Variants in YIPF3 observed in about 807,000 individuals in gnomAD.
YIPF3 encodes protein YIPF3.
In YIPF3, 18 loss-of-function variants were observed where a neutral mutation model predicts 40.3. The observed-to-expected ratio is 0.45, with a 90% CI of 0.31 to 0.66. The LOEUF is 0.66. YIPF3 is among the 30% of genes least tolerant of loss of function. The pLI is 0.07. For missense variants in YIPF3, 406 were observed against 452.2 expected, an observed-to-expected ratio of 0.90 and a Z score of 0.93; for synonymous variants, 190 against 179.6, an observed-to-expected ratio of 1.06 and a Z score of -0.46.
Position 43,512,767 on chromosome 6 carries a change from C to T in YIPF3, c.774G>A (p.Leu258=), listed in dbSNP as rs918154209. Residue 258 remains leucine (L), a synonymous_variant, in exon 7 of 9, where the codon CTG becomes CTA. Transcript: ENST00000372422. ...AGCCTCTTGCCCAGCTTACCATGCG[C>T]AGTGTGGACAGTCCACCCACCAACA... ...FWLLVGGLST[L]RMVAVLVSRT... 6.8e-6 allele frequency: 11 copies of T among 1,613,058 alleles called. No homozygotes were observed. The highest frequency in any genetic ancestry group is 8.5e-6 in the Non-Finnish European group (10 of 1,179,734).
At chr6:43,516,662 C>A (rs1792844705) in intron 1 of YIPF3, 65 bp downstream of exon 1, 1 of 1,585,786 alleles carries the variant, frequency 6.3e-7, no homozygotes, top group Non-Finnish European at 8.6e-7. Flanking sequence ...AGGGGGAATC[C>A]CCAAGACACT....
At position 43,515,690 on chromosome 6, in the gene YIPF3, A is replaced by G. The variant is rs746447076; in HGVS notation, c.300T>C (p.Ala100=). The G allele has an allele frequency of 4.3e-6, 7 of 1,614,154 alleles. No homozygotes were observed. Among genetic ancestry groups the G allele is most frequent in the Non-Finnish European group, 5.9e-6 (7 of 1,180,038 alleles). Residue 100 remains alanine (A), a synonymous_variant, in exon 3 of 9, where the codon GCT becomes GCC. Transcript: ENST00000372422. ...AGGCCCTGGAGGCTTGTCTTTTCCC[A>G]GCCTGCCACATCTGAAGTAAGGAAG... ...SRQVADQMWQ[A]GKRQASRAFS...
intron 1 of YIPF3, 109 bp downstream of exon 1, chr6:43,516,618 G>C: frequency 7.6e-7 from 1 of 1,310,356 alleles, no homozygotes; most frequent in Non-Finnish European, 1.1e-6. Flanking sequence ...CCAAAGAAGA[G>C]AGTTTTGTAA....
rs1395577403 is a variant in YIPF3 at position 43,516,722 on chromosome 6, A to G, written c.81+5T>C. The G allele has an allele frequency of 3.1e-6, 5 of 1,612,756 alleles. No individual in the cohort carries two copies. The highest frequency in any genetic ancestry group is 1.1e-5 in the South Asian group (1 of 90,934). On this transcript the variant is annotated splice_donor_5th_base_variant and intron_variant, in intron 1 of 8. Coordinates refer to ENST00000372422, the MANE Select transcript of YIPF3 (RefSeq NM_015388.4). ...TGCTGGCAGCTGGTGCCTTGGGGCC[A>G]TTACCTGGATGTTTTCTTCGAACCC...
chr6:43,516,113 C>T lies in YIPF3; in HGVS notation c.82-18G>A. On this transcript the variant is annotated intron_variant, in intron 1 of 8. Coordinates refer to ENST00000372422, the MANE Select transcript of YIPF3 (RefSeq NM_015388.4). ...CCTCCGCCCTGTGAAGACAATGGCT[C>T]CTAGAGTGCAGGACTTTTCTGTTCC... is the stretch of plus-strand genomic sequence containing the variant. 1 of 1,613,970 alleles carries T rather than the reference C, an allele frequency of 6.2e-7. No individual in the cohort carries two copies.
chr6:43,516,078 C>T lies in YIPF3; in HGVS notation c.99G>A (p.Val33=), dbSNP rs776858345. 4 of 1,614,244 alleles carry T rather than the reference C, an allele frequency of 2.5e-6. No homozygotes were observed. The South Asian group carries it at 4.4e-5, about 18-fold the overall frequency. The change falls in exon 2 of 9, where the codon GTG becomes GTA. Residue 33 remains valine (V), a synonymous_variant. Transcript: ENST00000372422. The part of the protein sequence containing the change: ...EENIQGGGSA[V]IDMENMDDTS... ...TATCATCCATGTTCTCCATGTCAAT[C>T]ACAGCTGAGCCTCCGCCCTGTGAAG...
intron 3 of YIPF3, 36 bp downstream of exon 3, chr6:43,515,559 T>G: frequency 1.9e-6 from 3 of 1,608,724 alleles, no homozygotes; most frequent in Non-Finnish European, 2.6e-6. Flanking sequence ...GGTCTAGGTG[T>G]TAGGAGGGAA....
At chr6:43,514,711 G>A (rs766857938) in intron 3 of YIPF3, among the ~76,000 whole-genome samples, 1 of 152,202 alleles carries the variant, frequency 6.6e-6, no homozygotes, top group Non-Finnish European at 1.5e-5. Flanking sequence ...CTGGCACAGA[G>A]CAAATGCTTA....
chr6:43,514,551 A>G (rs1357350507), intron 3 of YIPF3, among the ~76,000 whole-genome samples: 1 of 152,270 alleles, frequency 6.6e-6, no homozygotes, highest in East Asian at 1.9e-4. Context: ...TTCCTCTGGG[A>G]AACTTGTCCT....
chr6:43,513,589 TG>T lies in YIPF3; in HGVS notation c.439del (p.Gln147ArgfsTer25). On this transcript the variant is annotated frameshift_variant and splice_region_variant, in exon 4 of 9. Coordinates refer to ENST00000372422, the MANE Select transcript of YIPF3 (RefSeq NM_015388.4). LOFTEE classifies it high-confidence loss of function. ...MIPIKMVNFP[Q>X]KIAGELYGPL... ...CCAGACATGCCACCCTCTATTCACCTGGGGGAAGTTGACCATCTTGATAGGG... is the reference window on the plus strand; with the variant it reads ...CCAGACATGCCACCCTCTATTCACCTGGGGAAGTTGACCATCTTGATAGGG... 6.3e-7 allele frequency: 1 copy of T among 1,582,276 alleles called. No individual in the cohort carries two copies. Among genetic ancestry groups the T allele is most frequent in the Non-Finnish European group, 8.6e-7 (1 of 1,163,442 alleles).
At chr6:43,516,276 C>A (rs1792826971) in intron 1 of YIPF3, 181 bp from the exon 2 acceptor site, 1 of 1,362,006 alleles carries the variant, frequency 7.3e-7, no homozygotes, top group African/African-American at 1.5e-5. Flanking sequence ...CTAGCTTTGG[C>A]TATCTTTTCT....
chr6:43,512,154 A>C lies in YIPF3; in HGVS notation c.*13T>G. The C allele has an allele frequency of 6.2e-7, 1 of 1,614,138 alleles. No homozygotes were observed. The highest frequency in any genetic ancestry group is 8.5e-7 in the Non-Finnish European group (1 of 1,180,026). On this transcript the variant is annotated 3_prime_UTR_variant, in exon 9 of 9. Coordinates refer to ENST00000372422, the MANE Select transcript of YIPF3 (RefSeq NM_015388.4). ...CTGCGGGAAAGAGGACTGGCCAAGA[A>C]TTTCAGGTGGGGTCAGTGTGACTGC...
At chr6:43,515,392 G>A (rs934811265) in intron 3 of YIPF3, 8 of 671,030 alleles carry the variant, frequency 1.2e-5, no homozygotes, top group Non-Finnish European at 1.4e-5. Flanking sequence ...AGGTTTTGAG[G>A]GAAGATGAGT....
In YIPF3 at chr6:43,512,570, C is replaced by T. The variant is rs202157398; in HGVS notation, c.781-7G>A. 7.5e-6 allele frequency: 12 copies of T among 1,607,802 alleles called. No individual in the cohort carries two copies. The East Asian group carries it at 2.7e-4, about 36-fold the overall frequency. On this transcript the variant is annotated splice_region_variant and splice_polypyrimidine_tract_variant and intron_variant, in intron 7 of 8. Transcript: ENST00000372422. ...GAGACACCAACACTGCTACCTAGGA[C>T]CATGAGAATACAGCTCAAAGGGCCT... is the stretch of plus-strand genomic sequence containing the variant.
Position 43,515,884 on chromosome 6 carries a change from C to G in YIPF3, c.288+5G>C. On this transcript the variant is annotated splice_donor_5th_base_variant and intron_variant, in intron 2 of 8. Coordinates refer to ENST00000372422, the MANE Select transcript of YIPF3 (RefSeq NM_015388.4). ...TCTACCTGCAGAGGATTCAATCTTG[C>G]TTACCTGATCTGCCACCTGCCGGCT... The G allele has an allele frequency of 6.3e-7, 1 of 1,591,482 alleles. No individual in the cohort carries two copies. Among genetic ancestry groups the G allele is most frequent in the Non-Finnish European group, 8.6e-7 (1 of 1,166,804 alleles).
chr6:43,516,890 G>C lies in YIPF3; in HGVS notation c.-83C>G, dbSNP rs1053680846. ...AGATGTGGGCCTCCGGAAGGTAGAC[G>C]TCCAGGGTCGAGGAGAGGTGGGATC... is the stretch of plus-strand genomic sequence containing the variant. On this transcript the variant is annotated 5_prime_UTR_variant, in exon 1 of 9. Coordinates refer to ENST00000372422, the MANE Select transcript of YIPF3 (RefSeq NM_015388.4). 3 of 1,458,246 alleles carry C rather than the reference G, an allele frequency of 2.1e-6. No homozygotes were observed. The highest frequency in any genetic ancestry group is 2.8e-6 in the Non-Finnish European group (3 of 1,063,132). 90.3% of individuals were successfully genotyped at this position (1,458,246 alleles called of 1,614,324 possible). A position where few individuals can be genotyped will look rare whatever the true frequency, so the allele number is the denominator to read the frequency against.
chr6:43,516,754 T>C lies in YIPF3; in HGVS notation c.54A>G (p.Glu18=), dbSNP rs1792849697. Residue 18 remains glutamate, a synonymous_variant, in exon 1 of 9, where the codon GAA becomes GAG. Transcript: ENST00000372422. The stretch of plus-strand genomic sequence containing the variant: ...GGATGTTTTCTTCGAACCCTCCCCA[T>C]TCCGGGCCAGCTCCATTTCGGGCGC... The part of the protein sequence containing the change: ...AGGARNGAGP[E]WGGFEENIQG... 6.2e-7 allele frequency: 1 copy of C among 1,606,124 alleles called. No homozygotes were observed. The highest frequency in any genetic ancestry group is 8.5e-7 in the Non-Finnish European group (1 of 1,176,614).
chr6:43,515,841 C>CA (rs749612084), intron 2 of YIPF3, 48 bp downstream of exon 2: 2 of 1,587,192 alleles, frequency 1.3e-6, no homozygotes, highest in Admixed American at 3.4e-5. Flanking sequence ...GAACACGGGA[C>CA]ATACCTAGGT....
intron 1 of YIPF3, chr6:43,516,486 C>G (rs1792836970): frequency 1.6e-6 from 1 of 630,350 alleles, no homozygotes; most frequent in Admixed American, 3.1e-5. Context: ...CTAACTTGTT[C>G]CAAGAATACC....
Sources: allele counts gnomAD v4.1 joint callset (sites outside exome capture counted in the v4.1 genomes callset), GRCh38; gene constraint gnomAD v4.1.1; transcripts MANE v1.5; gene names NCBI Gene and HGNC (gene_info 2026-07-23, HGNC 2026-07-21).